The following COL4A1 variants were observed in gnomAD, a reference collection of about 807,000 sequenced individuals.
The protein encoded by COL4A1 is collagen alpha-1(IV) chain.
A neutral mutation model predicts 216.6 loss-of-function variants in COL4A1; 40 were observed. The observed-to-expected ratio is 0.18, with a 90% CI of 0.14 to 0.24. COL4A1 has a LOEUF of 0.24. Among genes scored for constraint, COL4A1 ranks in the 10% least tolerant of loss-of-function variants. The probability of loss-of-function intolerance (pLI) is 1.00; values close to 1 mark genes in which losing one functional copy is unlikely to be tolerated. For missense variants in COL4A1, 1,628 were observed against 2,196.8 expected (o/e 0.74, Z 5.18); for synonymous variants, 839 against 810.7 (o/e 1.03, Z -0.59).
Position 110,212,424 on chromosome 13 carries a change from C to T in COL4A1, c.380G>A (p.Gly127Asp). The T allele has an allele frequency of 6.2e-7, 1 of 1,613,704 alleles. No individual in the cohort carries two copies. Residue 127 changes from glycine (G) to aspartate (D), a missense_variant, in exon 6 of 52, where the codon GGC becomes GAC. This residue lies in a region of COL4A1 where 150 missense variants were observed against 211.9 expected (regional missense o/e 0.71). Coordinates refer to ENST00000375820, the MANE Select transcript of COL4A1 (RefSeq NM_001845.6). ...PGPPGIPGCN[G>D]TKGERGPLGP... ...TCTCGGTTCTGGATTTACCTTTGTGCCATTGCATCCTGGAATACCTGGGGG... is the reference window on the plus strand; with the variant it reads ...TCTCGGTTCTGGATTTACCTTTGTGTCATTGCATCCTGGAATACCTGGGGG...
chr13:110,163,760 A>T lies in COL4A1; in HGVS notation c.4151-199T>A, dbSNP rs113777564. On this transcript the variant is annotated intron_variant, in intron 46 of 51. Coordinates refer to ENST00000375820, the MANE Select transcript of COL4A1 (RefSeq NM_001845.6). ...TTGCAGAAGCAGCTGGATATTCATA[A>T]GGGGGTGTGTGTTTGGGCACCTCGT... 0.015 allele frequency among the ~76,000 whole-genome samples: 2,354 copies of T among 152,174 alleles called. 52 individuals carry two copies. The highest frequency in any genetic ancestry group is 0.077 in the East Asian group (396 of 5,150).
At chr13:110,283,020 C>A (rs1453843819) in intron 1 of COL4A1, among the ~76,000 whole-genome samples, 1 of 152,200 alleles carries the variant, frequency 6.6e-6, no homozygotes, top group Non-Finnish European at 1.5e-5. Context: ...CACCTCCAAG[C>A]ATAAAGGCTT....
chr13:110,274,508 C>A (rs1883362321), intron 1 of COL4A1, among the ~76,000 whole-genome samples: 1 of 152,200 alleles, frequency 6.6e-6, no homozygotes, highest in Non-Finnish European at 1.5e-5. Flanking sequence ...GTCACTAACT[C>A]CCTACACCTC....
intron 1 of COL4A1, among the ~76,000 whole-genome samples, chr13:110,288,772 G>A (rs1056009889): frequency 3.9e-5 from 6 of 152,148 alleles, no homozygotes; most frequent in South Asian, 2.1e-4. Context: ...GGTGGCTCAC[G>A]CCTGTAATCC....
chr13:110,180,344 A>T (rs1878088898), intron 29 of COL4A1, among the ~76,000 whole-genome samples: 1 of 152,236 alleles, frequency 6.6e-6, no homozygotes, highest in African/African-American at 2.4e-5. Flanking sequence ...CGGGTTGTAC[A>T]AAGACAAAGG....
Position 110,150,251 on chromosome 13 carries a change from G to T in COL4A1, c.*112C>A. 1.9e-6 allele frequency: 2 copies of T among 1,028,960 alleles called. No individual in the cohort carries two copies. Among genetic ancestry groups the T allele is most frequent in the African/African-American group, 1.6e-5 (1 of 63,302 alleles). 63.7% of individuals were successfully genotyped at this position (1,028,960 alleles called of 1,614,324 possible). The stretch of plus-strand genomic sequence containing the variant: ...CGCAAATTCCTATAAGGCACTTTAC[G>T]GTTTTCATATTGGACAGTGAGGTAC... On this transcript the variant is annotated 3_prime_UTR_variant, in exon 52 of 52. Transcript: ENST00000375820.
At chr13:110,161,951 A>G (rs1051664099) in intron 48 of COL4A1, 3 of 491,678 alleles carry the variant, frequency 6.1e-6, no homozygotes, top group Non-Finnish European at 1.1e-5. Flanking sequence ...GATAATTTGA[A>G]GATGAGATCT....
At chr13:110,214,047 G>A in intron 2 of COL4A1, 32 bp from the exon 3 acceptor site, 2 of 1,584,034 alleles carry the variant, frequency 1.3e-6, no homozygotes, top group African/African-American at 1.3e-5. Context: ...CAGGCAAAAG[G>A]CAGCAGTAAA....
At chr13:110,197,052 A>G (rs1274577888) in intron 21 of COL4A1, among the ~76,000 whole-genome samples, 1 of 152,232 alleles carries the variant, frequency 6.6e-6, no homozygotes, top group African/African-American at 2.4e-5. Context: ...ACAAGAGTGT[A>G]AAGTTCATAT....
At position 110,160,424 on chromosome 13, in the gene COL4A1, TGG is replaced by T. The variant is rs567170348; in HGVS notation, c.4640+766_4640+767del. ...CGCCACTGCAGTCCGCAGTCCGGCCTGGGTGACAGAGCGAGACTCCGTCTCAA... is the reference window on the plus strand; with the variant it reads ...CGCCACTGCAGTCCGCAGTCCGGCCTGTGACAGAGCGAGACTCCGTCTCAA... On this transcript the variant is annotated intron_variant, in intron 49 of 51. Transcript: ENST00000375820. Among the ~76,000 whole-genome samples the T allele has an allele frequency of 2.9e-4, 22 of 77,186 alleles. 4 individuals carry two copies. In the East Asian group the frequency reaches 0.013, roughly 46 times the overall value. 50.6% of individuals were successfully genotyped at this position (77,186 alleles called of 152,430 possible).
In COL4A1 at chr13:110,161,265, G is replaced by A; in HGVS notation, c.4567C>T (p.Leu1523=). 1 of 1,614,220 alleles carries A rather than the reference G, an allele frequency of 6.2e-7. No individual in the cohort carries two copies. The highest frequency in any genetic ancestry group is 8.5e-7 in the Non-Finnish European group (1 of 1,180,040). The change falls in exon 49 of 52, where the codon CTG becomes TTG. Residue 1523 remains leucine (L), a synonymous_variant. Coordinates refer to ENST00000375820, the MANE Select transcript of COL4A1 (RefSeq NM_001845.6). Reference sequence around the variant, plus strand: ...ATGGGCATGGGCTCAGGGGTGGACAGCCAGTACGAGTAGTCATTTCGTGAT... The same window carrying A: ...ATGGGCATGGGCTCAGGGGTGGACAACCAGTACGAGTAGTCATTTCGTGAT... ...FASRNDYSYW[L]STPEPMPMSM... is the part of the protein sequence containing the mutation.
intron 1 of COL4A1, among the ~76,000 whole-genome samples, chr13:110,280,344 A>G (rs1883582534): frequency 6.6e-6 from 1 of 152,228 alleles, no homozygotes; most frequent in African/African-American, 2.4e-5. Flanking sequence ...GTCAGCCACA[A>G]GTTTCAGATA....
chr13:110,163,984 C>CTTT (rs58236306), intron 46 of COL4A1, among the ~76,000 whole-genome samples: 1,496 of 110,108 alleles, frequency 0.014, 30 homozygotes, highest in African/African-American at 0.015. Flanking sequence ...TTCTCTCTCT[C>CTTT]TTTTTTTTTT....
chr13:110,306,291 A>T (rs981286898), intron 1 of COL4A1, among the ~76,000 whole-genome samples: 3 of 152,216 alleles, frequency 2.0e-5, no homozygotes, highest in African/African-American at 4.8e-5. Flanking sequence ...ATAATTTTTT[A>T]AAATATATAT....
intron 24 of COL4A1, 147 bp downstream of exon 24, chr13:110,192,067 A>G: frequency 1.3e-6 from 1 of 775,700 alleles, no homozygotes; most frequent in Non-Finnish European, 2.2e-6. Flanking sequence ...GGCCGCATGG[A>G]GTCACTCCAG....
At chr13:110,241,054 G>C (rs1881543926) in intron 2 of COL4A1, among the ~76,000 whole-genome samples, 1 of 152,152 alleles carries the variant, frequency 6.6e-6, no homozygotes, top group African/African-American at 2.4e-5. Flanking sequence ...ACTTTTAGTA[G>C]AGACTGAGTT....
At chr13:110,296,373 A>T (rs1235877879) in intron 1 of COL4A1, among the ~76,000 whole-genome samples, 1 of 152,242 alleles carries the variant, frequency 6.6e-6, no homozygotes, top group Non-Finnish European at 1.5e-5. Flanking sequence ...ATATTTTGTA[A>T]ATTATCCAAG....
chr13:110,245,783 G>A (rs72654187), intron 1 of COL4A1, among the ~76,000 whole-genome samples: 3,527 of 152,238 alleles, frequency 0.023, 71 homozygotes, highest in Admixed American at 0.044. Context: ...CGCTTCTTGT[G>A]CTTTTGGTAC....
At chr13:110,170,778 A>G in intron 41 of COL4A1, 46 bp from the exon 42 acceptor site, 1 of 1,602,418 alleles carries the variant, frequency 6.2e-7, no homozygotes, top group Non-Finnish European at 8.5e-7. Flanking sequence ...GCAGCAGCAG[A>G]ACAGTAATCT....
Sources: gnomAD v4.1 joint callset for allele counts (sites outside exome capture counted in the v4.1 genomes callset) on GRCh38, gnomAD v4.1.1 for gene constraint, gnomAD v4.1.1 regional missense constraint, MANE v1.5 for transcripts, NCBI Gene and HGNC (gene_info 2026-07-23, HGNC 2026-07-21) for gene names.